MMP26: variants seen among roughly 807,000 people sequenced by gnomAD.
The protein encoded by MMP26 is matrix metallopeptidase 26.
In MMP26, 33 loss-of-function variants were observed where a neutral mutation model predicts 31.0. The ratio of observed to expected loss-of-function variants is 1.06; its 90% CI spans 0.81 to 1.42. The LOEUF (loss-of-function observed/expected upper bound fraction) is 1.42, where lower values mean the gene tolerates loss of function less well. MMP26 is among the 40% of genes most tolerant of loss of function. MMP26 has a pLI of 0.00. For synonymous variants in MMP26, 122 were observed against 114.9 expected, an observed-to-expected ratio of 1.06 and a Z score of -0.40; for missense variants, 347 against 316.1, an observed-to-expected ratio of 1.10 and a Z score of -0.74.
intron 2 of MMP26, among the ~76,000 whole-genome samples, chr11:4,780,604 A>G (rs1848845440): frequency 6.6e-6 from 1 of 152,156 alleles, no homozygotes; most frequent in Non-Finnish European, 1.5e-5. Flanking sequence ...ATCTGTACTC[A>G]TGCATTATGG....
At chr11:4,807,233 T>A (rs1490169381) in intron 2 of MMP26, among the ~76,000 whole-genome samples, 1 of 152,096 alleles carries the variant, frequency 6.6e-6, no homozygotes, top group African/African-American at 2.4e-5. Context: ...TAGTTCTAGA[T>A]CCTTAAGGAA....
intron 1 of MMP26, among the ~76,000 whole-genome samples, chr11:4,713,934 C>T (rs1354272253): frequency 6.6e-6 from 1 of 151,996 alleles, no homozygotes; most frequent in Admixed American, 6.6e-5. Flanking sequence ...AGAAGAAAGC[C>T]ATGAAGTAGA....
At chr11:4,819,023 G>A (rs922147233) in intron 2 of MMP26, among the ~76,000 whole-genome samples, 17 of 152,004 alleles carry the variant, frequency 1.1e-4, no homozygotes, top group African/African-American at 3.6e-4. Context: ...AGAGAATACA[G>A]GATAACTCCT....
At chr11:4,762,223 TATAGA>T (rs1848577132) in intron 1 of MMP26, among the ~76,000 whole-genome samples, 1 of 152,162 alleles carries the variant, frequency 6.6e-6, no homozygotes, top group Non-Finnish European at 1.5e-5. Flanking sequence ...CATTTCATAG[TATAGA>T]AAAGAGAATT....
Position 4,855,208 on chromosome 11 carries a change from C to A in MMP26, c.-145+87867C>A, listed in dbSNP as rs1375195959. On this transcript the variant is annotated intron_variant, in intron 2 of 7. Coordinates refer to ENST00000380390, the MANE Select transcript of MMP26 (RefSeq NM_021801.5). The stretch of plus-strand genomic sequence containing the variant: ...TCACCAGCAGTACAACAAAGCTGGA[C>A]AGAGAAGGACTTTGACGAGTTGACA... Among the ~76,000 whole-genome samples, 5 of 152,154 alleles carry A rather than the reference C, an allele frequency of 3.3e-5. No individual in the cohort carries two copies. In the South Asian group the frequency reaches 1.0e-3, roughly 32 times the overall value.
At chr11:4,865,036 C>T (rs560692115) in intron 2 of MMP26, among the ~76,000 whole-genome samples, 1 of 152,204 alleles carries the variant, frequency 6.6e-6, no homozygotes, top group South Asian at 2.1e-4. Context: ...TCCTTGTTAG[C>T]TATTATTAAT....
chr11:4,958,827 T>A (rs527774861), intron 2 of MMP26, among the ~76,000 whole-genome samples: 1 of 152,274 alleles, frequency 6.6e-6, no homozygotes, highest in South Asian at 2.1e-4. Context: ...TCTAAGTTGC[T>A]TATCAGAGGG....
intron 2 of MMP26, among the ~76,000 whole-genome samples, chr11:4,933,247 T>C (rs941042937): frequency 1.3e-5 from 2 of 152,102 alleles, no homozygotes; most frequent in African/African-American, 4.8e-5. Flanking sequence ...TGCTAAGTGT[T>C]CACTCATTTA....
chr11:4,955,842 C>T (rs1846435962), intron 2 of MMP26: 1 of 625,798 alleles, frequency 1.6e-6, no homozygotes, highest in African/African-American at 1.8e-5. Context: ...AAATTTGTGG[C>T]TTCTTTCAGC....
intron 2 of MMP26, among the ~76,000 whole-genome samples, chr11:4,911,832 T>C (rs1042018836): frequency 2.6e-5 from 4 of 152,238 alleles, no homozygotes; most frequent in Non-Finnish European, 5.9e-5. Flanking sequence ...GTTGTCTGTC[T>C]CTACCACCAA....
chr11:4,891,907 G>C (rs1037803611), intron 2 of MMP26, among the ~76,000 whole-genome samples: 2 of 152,012 alleles, frequency 1.3e-5, no homozygotes, highest in African/African-American at 4.8e-5. Context: ...GGAATTATAA[G>C]GTAAATAGTT....
At chr11:4,925,936 TA>T (rs1375110392) in intron 2 of MMP26, among the ~76,000 whole-genome samples, 8 of 152,138 alleles carry the variant, frequency 5.3e-5, no homozygotes, top group Admixed American at 5.2e-4. Context: ...GAGGATTAAG[TA>T]AAAAGTTTAT....
intron 2 of MMP26, among the ~76,000 whole-genome samples, chr11:4,784,266 A>T (rs1203445072): frequency 6.6e-6 from 1 of 152,208 alleles, no homozygotes; most frequent in African/African-American, 2.4e-5. Context: ...GTTTCTTCAC[A>T]TCATGGTGGC....
chr11:4,724,062 C>T (rs1848061805), intron 1 of MMP26: 5 of 655,780 alleles, frequency 7.6e-6, no homozygotes, highest in Admixed American at 2.4e-5. Context: ...TGGGGAAAAG[C>T]TTGAGGAGCT....
intron 2 of MMP26, among the ~76,000 whole-genome samples, chr11:4,935,253 G>A (rs1851420114): frequency 6.6e-6 from 1 of 150,562 alleles, no homozygotes; most frequent in Admixed American, 6.6e-5. Flanking sequence ...TTATTTCATT[G>A]AGCAGTGGTT....
rs1371372254 is a variant in MMP26 at position 4,954,280 on chromosome 11, A to C, written c.-144-33788A>C. Among the ~76,000 whole-genome samples, 2 of 123,900 alleles carry C rather than the reference A, an allele frequency of 1.6e-5. 1 individual carries two copies. Among genetic ancestry groups the C allele is most frequent in the Non-Finnish European group, 3.6e-5 (2 of 54,996 alleles). 81.3% of individuals were successfully genotyped at this position (123,900 alleles called of 152,430 possible). ...TGGACTGAAAAACTATCTGTTGGGT[A>C]CTATGCTCACTACCTGGGTCCAATA... is the stretch of plus-strand genomic sequence containing the variant. On this transcript the variant is annotated intron_variant, in intron 2 of 7. Transcript: ENST00000380390.
intron 2 of MMP26, chr11:4,914,944 G>C (rs1851053816): frequency 6.2e-7 from 1 of 1,614,120 alleles, no homozygotes; most frequent in Non-Finnish European, 8.5e-7. Context: ...TAAGGGCCTT[G>C]AATCTCTCAG....
Position 4,719,143 on chromosome 11 carries a change from C to T in MMP26, c.-217+14098C>T, listed in dbSNP as rs1045640621. On this transcript the variant is annotated intron_variant, in intron 1 of 7. Transcript: ENST00000380390. ...CTACTGCTGCAGCCACGTGCTCCAC[C>T]ACTCCTATTGCTTTTACCCTGATGT... is the stretch of plus-strand genomic sequence containing the variant. The T allele has an allele frequency of 3.9e-5, 6 of 155,672 alleles. No individual in the cohort carries two copies. The South Asian group carries it at 8.0e-4, about 21-fold the overall frequency. The allele number at this position is 155,672 out of a possible 1,614,324, so 9.6% of individuals were successfully genotyped here.
At chr11:4,971,276 G>T (rs1350063384) in intron 2 of MMP26, among the ~76,000 whole-genome samples, 1 of 152,132 alleles carries the variant, frequency 6.6e-6, no homozygotes, top group Non-Finnish European at 1.5e-5. Flanking sequence ...TTGTAGCACA[G>T]CTTCTTGAGT....
Sources: gnomAD v4.1 joint callset for allele counts (sites outside exome capture counted in the v4.1 genomes callset) on GRCh38, gnomAD v4.1.1 for gene constraint, MANE v1.5 for transcripts, NCBI Gene and HGNC (gene_info 2026-07-23, HGNC 2026-07-21) for gene names.